The following EXD2 variants were observed in gnomAD, a reference collection of about 807,000 sequenced individuals.
EXD2 encodes exonuclease 3'-5' domain-containing protein 2.
A neutral mutation model predicts 62.5 loss-of-function variants in EXD2; 40 were observed. The ratio of observed to expected loss-of-function variants is 0.64; its 90% CI spans 0.50 to 0.83. The LOEUF is 0.83. Among genes scored for constraint, EXD2 ranks in the 40% least tolerant of loss-of-function variants. EXD2 has a pLI of 0.00. For missense variants in EXD2, 671 were observed against 761.8 expected, an observed-to-expected ratio of 0.88 and a Z score of 1.40; for synonymous variants, 239 against 291.9, an observed-to-expected ratio of 0.82 and a Z score of 1.85.
In EXD2 at chr14:69,231,328, G is replaced by A. The variant is rs1028502118; in HGVS notation, c.717+730G>A. On this transcript the variant is annotated intron_variant, in intron 5 of 9. Transcript: ENST00000685843. ...TTATACTTCTAAATTACATGCATGCGTTATTCTTTCTTATTTATTTATATT... is the reference window on the plus strand; with the variant it reads ...TTATACTTCTAAATTACATGCATGCATTATTCTTTCTTATTTATTTATATT... 1.6e-4 allele frequency among the ~76,000 whole-genome samples: 24 copies of A among 151,746 alleles called. 1 individual carries two copies. The highest frequency in any genetic ancestry group is 2.1e-4 in the Non-Finnish European group (14 of 67,974).
At position 69,243,499 on chromosome 14, in the gene EXD2, TC is replaced by T. The variant is rs2044034183; in HGVS notation, c.*2401del. 1.3e-5 allele frequency: 2 copies of T among 152,244 alleles called. No individual in the cohort carries two copies. The highest frequency in any genetic ancestry group is 1.3e-4 in the Admixed American group (2 of 15,288). The allele number at this position is 152,244 out of a possible 1,614,324, so 9.4% of individuals were successfully genotyped here. A position where few individuals can be genotyped will look rare whatever the true frequency, so the allele number is the denominator to read the frequency against. On this transcript the variant is annotated 3_prime_UTR_variant, in exon 10 of 10. Coordinates refer to ENST00000685843, the MANE Select transcript of EXD2 (RefSeq NM_001193360.2). ...GATTAACATGGTATCACGAGTAACT[TC>T]CTATGTTTTTAAATCTTTGAAAATA...
chr14:69,192,779 T>G (rs2042076062), intron 1 of EXD2, among the ~76,000 whole-genome samples: 2 of 152,382 alleles, frequency 1.3e-5, no homozygotes, highest in Admixed American at 1.3e-4. Flanking sequence ...AAACGGGTCT[T>G]GGAATTTTTT....
chr14:69,204,346 G>A (rs1459707074), intron 2 of EXD2, among the ~76,000 whole-genome samples: 2 of 152,132 alleles, frequency 1.3e-5, no homozygotes, highest in East Asian at 3.8e-4. Flanking sequence ...GAGGCAGGAG[G>A]ATCACTTGAG....
At position 69,243,926 on chromosome 14, in the gene EXD2, TC is replaced by T; in HGVS notation, c.*2831del. The stretch of plus-strand genomic sequence containing the variant: ...CTTCTTCCAACCTTATTGCCTCATT[TC>T]CCCCTTGTAGTCAATGTTTTTTGGA... On this transcript the variant is annotated 3_prime_UTR_variant, in exon 10 of 10. Coordinates refer to ENST00000685843, the MANE Select transcript of EXD2 (RefSeq NM_001193360.2). 1 of 151,962 alleles carries T rather than the reference TC, an allele frequency of 6.6e-6. No individual in the cohort carries two copies. The highest frequency in any genetic ancestry group is 1.5e-5 in the Non-Finnish European group (1 of 67,986). The allele number at this position is 151,962 out of a possible 1,614,324, so 9.4% of individuals were successfully genotyped here.
At chr14:69,232,064 T>G (rs956447980) in intron 5 of EXD2, among the ~76,000 whole-genome samples, 3 of 152,090 alleles carry the variant, frequency 2.0e-5, no homozygotes, top group African/African-American at 7.2e-5. Context: ...GTGCCAGTGG[T>G]TTTAACATTC....
chr14:69,236,029 C>A lies in EXD2; in HGVS notation c.1050-17C>A. The A allele has an allele frequency of 6.2e-7, 1 of 1,601,282 alleles. No individual in the cohort carries two copies. Among genetic ancestry groups the A allele is most frequent in the South Asian group, 1.1e-5 (1 of 90,806 alleles). On this transcript the variant is annotated splice_polypyrimidine_tract_variant and intron_variant, in intron 6 of 9. Coordinates refer to ENST00000685843, the MANE Select transcript of EXD2 (RefSeq NM_001193360.2). ...AGTTAGCTTCCGGTTTGAGATTTCTCTTTCCTTTCCCTGCAGAAAATCACC... is the reference window on the plus strand; with the variant it reads ...AGTTAGCTTCCGGTTTGAGATTTCTATTTCCTTTCCCTGCAGAAAATCACC...
chr14:69,200,108 T>C (rs1044282754), intron 1 of EXD2, among the ~76,000 whole-genome samples: 2 of 152,204 alleles, frequency 1.3e-5, no homozygotes, highest in East Asian at 3.8e-4. Context: ...TGTAATCTTA[T>C]AATTTTGTAG....
At chr14:69,201,966 G>A (rs2140205246) in intron 1 of EXD2, among the ~76,000 whole-genome samples, 1 of 152,076 alleles carries the variant, frequency 6.6e-6, no homozygotes. Context: ...ACAGGTGTGA[G>A]CCACCGCACT....
chr14:69,232,657 A>G (rs2043628633), intron 5 of EXD2, among the ~76,000 whole-genome samples: 1 of 152,168 alleles, frequency 6.6e-6, no homozygotes, highest in Non-Finnish European at 1.5e-5. Flanking sequence ...GATGCTGGGC[A>G]TCTGTTCATG....
At chr14:69,196,647 A>G (rs544225793) in intron 1 of EXD2, among the ~76,000 whole-genome samples, 74 of 146,556 alleles carry the variant, frequency 5.0e-4, no homozygotes, top group African/African-American at 1.8e-3. Context: ...TTTGAGAGAC[A>G]GGGTCTTACT....
In EXD2 at chr14:69,241,537, C is replaced by G; in HGVS notation, c.*437C>G. 1 of 270,514 alleles carries G rather than the reference C, an allele frequency of 3.7e-6. No homozygotes were observed. Among genetic ancestry groups the G allele is most frequent in the Non-Finnish European group, 6.9e-6 (1 of 145,448 alleles). The allele number at this position is 270,514 out of a possible 1,614,324, so 16.8% of individuals were successfully genotyped here. ...GTTAGGAGGGGAGAAAAAGTTCTTCCAAAGGCTGGAGAAGTGAACAAGGAG... is the reference window on the plus strand; with the variant it reads ...GTTAGGAGGGGAGAAAAAGTTCTTCGAAAGGCTGGAGAAGTGAACAAGGAG... On this transcript the variant is annotated 3_prime_UTR_variant, in exon 10 of 10. Transcript: ENST00000685843.
chr14:69,230,162 A>C (rs1406709460), intron 4 of EXD2, among the ~76,000 whole-genome samples: 3 of 152,166 alleles, frequency 2.0e-5, no homozygotes, highest in African/African-American at 4.8e-5. Flanking sequence ...TAGGAGTCTC[A>C]GTGCTGCCAC....
chr14:69,221,821 C>G (rs1034447763), intron 3 of EXD2, among the ~76,000 whole-genome samples: 1 of 149,698 alleles, frequency 6.7e-6, no homozygotes, highest in African/African-American at 2.5e-5. Flanking sequence ...TGCCTATAAT[C>G]CCAGCACTTT....
intron 3 of EXD2, among the ~76,000 whole-genome samples, chr14:69,224,930 G>A (rs925328066): frequency 6.6e-6 from 1 of 151,104 alleles, no homozygotes; most frequent in African/African-American, 2.4e-5. Flanking sequence ...AGTGAGCCGA[G>A]ATCACACCAC....
intron 3 of EXD2, among the ~76,000 whole-genome samples, chr14:69,218,498 A>T (rs1441543150): frequency 6.6e-6 from 1 of 152,104 alleles, no homozygotes; most frequent in East Asian, 1.9e-4. Flanking sequence ...CTCTGATGGT[A>T]GTTTCTTTTG....
chr14:69,239,831 ACC>A (rs1458308899), intron 9 of EXD2, among the ~76,000 whole-genome samples: 12 of 152,106 alleles, frequency 7.9e-5, no homozygotes, highest in Admixed American at 3.9e-4. Context: ...CGAACTCCTG[ACC>A]TCAAGTGATC....
At chr14:69,193,593 G>T (rs1006577733) in intron 1 of EXD2, among the ~76,000 whole-genome samples, 2 of 151,998 alleles carry the variant, frequency 1.3e-5, no homozygotes, top group African/African-American at 4.8e-5. Flanking sequence ...TCTGGATTTT[G>T]ATCTTTTGTT....
In EXD2 at chr14:69,223,427, C is replaced by T. The variant is rs141805533; in HGVS notation, c.334-5389C>T. Among the ~76,000 whole-genome samples, 365 of 152,240 alleles carry T rather than the reference C, an allele frequency of 2.4e-3. 1 individual carries two copies. Among genetic ancestry groups the T allele is most frequent in the Non-Finnish European group, 4.3e-3 (291 of 68,008 alleles). ...AGACATTCTTCTCTCAGAGGGTTGT[C>T]CAACAGGATGGTGATATGATTGAAA... On this transcript the variant is annotated intron_variant, in intron 3 of 9. Coordinates refer to ENST00000685843, the MANE Select transcript of EXD2 (RefSeq NM_001193360.2).
chr14:69,196,937 T>C (rs549075442), intron 1 of EXD2, among the ~76,000 whole-genome samples: 4 of 152,166 alleles, frequency 2.6e-5, no homozygotes, highest in Non-Finnish European at 5.9e-5. Flanking sequence ...TTTTTTTGAA[T>C]AGAACCATCC....
Sources: allele counts gnomAD v4.1 joint callset (sites outside exome capture counted in the v4.1 genomes callset), GRCh38; gene constraint gnomAD v4.1.1; transcripts MANE v1.5; gene names NCBI Gene and HGNC (gene_info 2026-07-23, HGNC 2026-07-21).